RBFOX1: variants seen among roughly 807,000 people sequenced by gnomAD.
The protein encoded by RBFOX1 is RNA binding fox-1 homolog 1.
In RBFOX1, 8 loss-of-function variants were observed where a neutral mutation model predicts 57.7. The observed-to-expected ratio is 0.14, with a 90% CI of 0.08 to 0.25. The LOEUF is 0.25. Among genes scored for constraint, RBFOX1 ranks in the 10% least tolerant of loss-of-function variants. RBFOX1 has a pLI of 1.00. For synonymous variants in RBFOX1, 326 were observed against 222.4 expected (o/e 1.47, Z -4.15); for missense variants, 611 against 548.5 (o/e 1.11, Z -1.14).
intron 4 of RBFOX1, among the ~76,000 whole-genome samples, chr16:7,172,174 A>C (rs2080830835): frequency 6.6e-6 from 1 of 152,218 alleles, no homozygotes; most frequent in Non-Finnish European, 1.5e-5. Context: ...CTGGAATTAA[A>C]GTGCATTGGA....
At chr16:6,760,339 C>T (rs960563098) in intron 3 of RBFOX1, among the ~76,000 whole-genome samples, 1 of 152,060 alleles carries the variant, frequency 6.6e-6, no homozygotes, top group African/African-American at 2.4e-5. Flanking sequence ...GAAGGGGAAT[C>T]AAGATGGTTT....
At chr16:6,829,862 A>C (rs1387802835) in intron 3 of RBFOX1, among the ~76,000 whole-genome samples, 1 of 152,162 alleles carries the variant, frequency 6.6e-6, no homozygotes, top group African/African-American at 2.4e-5. Context: ...TTGGCCTCCC[A>C]AAGTGCTGGG....
chr16:5,759,138 A>T (rs976820338), intron 3 of RBFOX1, among the ~76,000 whole-genome samples: 1 of 152,088 alleles, frequency 6.6e-6, no homozygotes, highest in Non-Finnish European at 1.5e-5. Flanking sequence ...TTTGATGTTT[A>T]TTTTTGGCAG....
At chr16:6,279,567 C>T (rs1389228328) in intron 1 of RBFOX1, among the ~76,000 whole-genome samples, 1 of 152,274 alleles carries the variant, frequency 6.6e-6, no homozygotes, top group East Asian at 1.9e-4. Context: ...GTAAGTCTCA[C>T]TGAATACAGA....
chr16:6,410,779 C>T (rs1055337872), intron 2 of RBFOX1, among the ~76,000 whole-genome samples: 2 of 152,182 alleles, frequency 1.3e-5, no homozygotes, highest in South Asian at 2.1e-4. Context: ...ATCAGTGGAA[C>T]ATGCTGTGTA....
intron 3 of RBFOX1, among the ~76,000 whole-genome samples, chr16:6,713,263 G>T (rs1309419724): frequency 1.5e-4 from 10 of 66,978 alleles, no homozygotes. Flanking sequence ...ATCATACCTG[G>T]GTTTTTGTTT....
chr16:5,472,297 A>C (rs929666056), intron 2 of RBFOX1, among the ~76,000 whole-genome samples: 1 of 151,836 alleles, frequency 6.6e-6, no homozygotes, highest in African/African-American at 2.4e-5. Flanking sequence ...TTGTACACCT[A>C]CTGTGTTCCA....
chr16:6,848,260 C>T (rs763249293), intron 3 of RBFOX1, among the ~76,000 whole-genome samples: 19 of 152,126 alleles, frequency 1.2e-4, no homozygotes, highest in Non-Finnish European at 2.1e-4. Context: ...CACTTCACAG[C>T]TGCAGCTGAT....
At chr16:6,944,113 C>T (rs753150015) in intron 3 of RBFOX1, among the ~76,000 whole-genome samples, 2 of 152,060 alleles carry the variant, frequency 1.3e-5, no homozygotes, top group Admixed American at 6.6e-5. Flanking sequence ...AGACCACACC[C>T]TGGCCAGGCA....
intron 4 of RBFOX1, among the ~76,000 whole-genome samples, chr16:7,188,091 G>A (rs1389196248): frequency 1.3e-5 from 2 of 152,076 alleles, no homozygotes; most frequent in Non-Finnish European, 2.9e-5. Flanking sequence ...CATGCAATGT[G>A]GAATATTTGG....
intron 4 of RBFOX1, among the ~76,000 whole-genome samples, chr16:7,214,584 A>G (rs186241837): frequency 4.6e-5 from 7 of 152,020 alleles, no homozygotes; most frequent in African/African-American, 1.2e-4. Context: ...CTCCTACCTC[A>G]TCGTCTGCAG....
At chr16:7,019,409 G>T (rs1448730469) in intron 3 of RBFOX1, among the ~76,000 whole-genome samples, 2 of 151,954 alleles carry the variant, frequency 1.3e-5, no homozygotes, top group African/African-American at 4.8e-5. Context: ...TGTGTGAGTG[G>T]GAGAGAGAGA....
intron 10 of RBFOX1, among the ~76,000 whole-genome samples, chr16:7,624,534 C>T (rs79933884): frequency 6.6e-6 from 1 of 152,140 alleles, no homozygotes; most frequent in Non-Finnish European, 1.5e-5. Context: ...AGATGTACCC[C>T]AAAGCCCAGC....
chr16:5,980,136 C>T (rs1285347353), intron 4 of RBFOX1, among the ~76,000 whole-genome samples: 1 of 152,214 alleles, frequency 6.6e-6, no homozygotes, highest in Non-Finnish European at 1.5e-5. Context: ...AAACTGCAAT[C>T]TTAGCTATCA....
Position 5,828,092 on chromosome 16 carries a change from G to C in RBFOX1, c.319-39211G>C, listed in dbSNP as rs1597402837. Among the ~76,000 whole-genome samples the C allele has an allele frequency of 1.3e-5, 2 of 151,416 alleles. 1 individual carries two copies. The highest frequency in any genetic ancestry group is 4.2e-4 in the South Asian group (2 of 4,764). ...ATCCTTTCAGCCAGCCAGCCAGCCT[G>C]CCTTCTGTCTAACCATTAATCCACT... On this transcript the variant is annotated intron_variant, in intron 3 of 19. Transcript: ENST00000641259.
chr16:7,210,813 T>C (rs1436386668), intron 4 of RBFOX1, among the ~76,000 whole-genome samples: 1 of 152,032 alleles, frequency 6.6e-6, no homozygotes, highest in Non-Finnish European at 1.5e-5. Flanking sequence ...TGTGAGCAAG[T>C]CTAGAGATCC....
intron 1 of RBFOX1, among the ~76,000 whole-genome samples, chr16:5,437,124 T>C (rs536521004): frequency 6.6e-6 from 1 of 152,244 alleles, no homozygotes; most frequent in South Asian, 2.1e-4. Context: ...TTTTATAAAT[T>C]GTAGTAAGAA....
chr16:6,297,686 C>T (rs936515692), intron 1 of RBFOX1, among the ~76,000 whole-genome samples: 2 of 151,982 alleles, frequency 1.3e-5, no homozygotes, highest in African/African-American at 4.8e-5. Flanking sequence ...CTATCCTATA[C>T]CCATATAAAC....
chr16:5,850,376 G>A (rs2056865036), intron 3 of RBFOX1, among the ~76,000 whole-genome samples: 1 of 152,186 alleles, frequency 6.6e-6, no homozygotes, highest in Non-Finnish European at 1.5e-5. Context: ...GCAGACACAT[G>A]TCCTTCGAAC....
Sources: gnomAD v4.1 joint callset for allele counts (sites outside exome capture counted in the v4.1 genomes callset) on GRCh38, gnomAD v4.1.1 for gene constraint, MANE v1.5 for transcripts, NCBI Gene and HGNC (gene_info 2026-07-23, HGNC 2026-07-21) for gene names.